The following NBPF14 variants were observed in gnomAD, a reference collection of about 807,000 sequenced individuals.
NBPF14 encodes the protein NBPF family member NBPF14.
Under a neutral mutation model 91.2 loss-of-function variants are expected in NBPF14, and 104 were observed. The ratio of observed to expected loss-of-function variants is 1.14; its 90% CI spans 0.97 to 1.34. The LOEUF is 1.34. Ranked by LOEUF, NBPF14 falls within the 40% of genes most tolerant of loss-of-function variation. The probability of loss-of-function intolerance (pLI) is 0.00; values close to 1 mark genes in which losing one functional copy is unlikely to be tolerated. For synonymous variants in NBPF14, 294 were observed against 303.8 expected, an observed-to-expected ratio of 0.97 and a Z score of 0.34; for missense variants, 908 against 783.0, an observed-to-expected ratio of 1.16 and a Z score of -1.91.
At chr1:148,535,227 C>T (rs1462680499) in intron 68 of NBPF14, among the ~76,000 whole-genome samples, 2 of 150,164 alleles carry the variant, frequency 1.3e-5, no homozygotes, top group Admixed American at 1.3e-4. Flanking sequence ...CATACAGTTG[C>T]CATACAGCCT....
chr1:148,566,546 C>A (rs1190321277), intron 28 of NBPF14, among the ~76,000 whole-genome samples: 2 of 144,066 alleles, frequency 1.4e-5, no homozygotes, highest in Admixed American at 6.9e-5. Flanking sequence ...CACACAAACA[C>A]ACACACACAC....
chr1:148,566,554 C>A (rs1325953827), intron 28 of NBPF14, among the ~76,000 whole-genome samples: 2 of 144,548 alleles, frequency 1.4e-5, no homozygotes, highest in Admixed American at 6.8e-5. Context: ...CACACACACA[C>A]ACACAGAGAA....
intron 2 of NBPF14, among the ~76,000 whole-genome samples, chr1:148,595,259 A>G (rs1663125957): frequency 6.8e-6 from 1 of 148,038 alleles, no homozygotes; most frequent in African/African-American, 2.5e-5. Flanking sequence ...TGAAAACACG[A>G]TTGAGCCCCT....
chr1:148,556,692 C>A (rs1656640211), exon 41 of NBPF14: 3 of 128,998 alleles, frequency 2.3e-5, no homozygotes, highest in South Asian at 4.7e-5. Context: ...GTACTCACCT[C>A]CCACATCAAG....
intron 69 of NBPF14, 45 bp from the exon 70 acceptor site, chr1:148,534,014 C>G (rs1458723354): frequency 1.5e-6 from 1 of 676,780 alleles, no homozygotes; most frequent in African/African-American, 1.8e-5. Flanking sequence ...GCTGATTCCC[C>G]TACACACATA....
At chr1:148,593,356 T>C (rs1407173987) in intron 3 of NBPF14, among the ~76,000 whole-genome samples, 3 of 148,846 alleles carry the variant, frequency 2.0e-5, no homozygotes, top group African/African-American at 7.3e-5. Flanking sequence ...TTTTGTGTTA[T>C]GTAAATTTCA....
chr1:148,579,824 C>T (rs1660627727), intron 12 of NBPF14, among the ~76,000 whole-genome samples: 1 of 152,132 alleles, frequency 6.6e-6, no homozygotes, highest in South Asian at 2.1e-4. Context: ...AGTGGACTTC[C>T]AGCAAACTCC....
At chr1:148,594,044 T>A (rs1172609450) in intron 2 of NBPF14, among the ~76,000 whole-genome samples, 1 of 148,326 alleles carries the variant, frequency 6.7e-6, no homozygotes, top group Non-Finnish European at 1.5e-5. Flanking sequence ...AACACTGCAC[T>A]GGGGCATGAA....
At chr1:148,539,256 T>A (rs61802098) in intron 63 of NBPF14, among the ~76,000 whole-genome samples, 154 bp downstream of exon 63, 1 of 115,358 alleles carries the variant, frequency 8.7e-6, no homozygotes, top group East Asian at 2.7e-4. Flanking sequence ...GGCTTCCAAC[T>A]GAGACTACAG....
intron 68 of NBPF14, among the ~76,000 whole-genome samples, 163 bp from the exon 69 acceptor site, chr1:148,535,019 C>T (rs1654813390): frequency 6.8e-6 from 1 of 146,524 alleles, no homozygotes; most frequent in Non-Finnish European, 1.5e-5. Context: ...AGACCAGGGC[C>T]AGGTAGAAAA....
At chr1:148,572,303 C>A (rs1659214085) in intron 21 of NBPF14, 140 bp downstream of exon 21, 7 of 209,308 alleles carry the variant, frequency 3.3e-5, no homozygotes, top group Non-Finnish European at 5.0e-5. Flanking sequence ...ACTACAGTTT[C>A]ATTACAACCT....
In NBPF14 at chr1:148,587,342, C is replaced by T; in HGVS notation, c.1050G>A (p.Glu350=). The stretch of plus-strand genomic sequence containing the variant: ...GCTTCAGCTGCTCCGCAAGCTTCTC[C>T]TCCTTGAACTGTCGCTCATTCCTCA... The change falls in exon 8 of 71, where the codon GAG becomes GAA. Residue 350 remains glutamate (E), a synonymous_variant. Transcript: ENST00000619423. 3.2e-6 allele frequency: 5 copies of T among 1,582,728 alleles called. 1 individual carries two copies. The highest frequency in any genetic ancestry group is 2.2e-5 in the South Asian group (2 of 89,198).
chr1:148,534,560 C>T (rs1475964045), intron 69 of NBPF14, 124 bp downstream of exon 69: 34 of 739,220 alleles, frequency 4.6e-5, no homozygotes, highest in South Asian at 2.3e-4. Context: ...AACCTATATG[C>T]GCCCATAGGT....
In NBPF14 at chr1:148,575,745, A is replaced by G. The variant is rs1659580574; in HGVS notation, c.2145T>C (p.Tyr715=). 108 of 268,710 alleles carry G rather than the reference A, an allele frequency of 4.0e-4. 1 individual carries two copies. The highest frequency in any genetic ancestry group is 2.5e-3 in the South Asian group (104 of 42,270). 16.6% of individuals were successfully genotyped at this position (268,710 alleles called of 1,614,324 possible). ...GTTCAAGATAACCTGAAGGAGTCGA[A>G]TAACATCTATCCAGTGAGTCCTGCA... Residue 715 remains tyrosine (Y), a synonymous_variant, in exon 17 of 71, where the codon TAT becomes TAC. Coordinates refer to ENST00000619423, the Ensembl canonical transcript of NBPF14.
chr1:148,581,549 C>A (rs1208386930), intron 12 of NBPF14, among the ~76,000 whole-genome samples: 1 of 151,778 alleles, frequency 6.6e-6, no homozygotes. Context: ...AATTTTCAAC[C>A]AAGAATTTCA....
At chr1:148,566,606 T>C (rs1255453881) in intron 28 of NBPF14, among the ~76,000 whole-genome samples, 3 of 133,940 alleles carry the variant, frequency 2.2e-5, no homozygotes, top group Non-Finnish European at 4.9e-5. Flanking sequence ...GATGAGGGAG[T>C]AACAGGACAC....
Position 148,588,544 on chromosome 1 carries a change from G to A in NBPF14, c.988+640C>T, listed in dbSNP as rs1661943408. On this transcript the variant is annotated intron_variant, in intron 7 of 70. Coordinates refer to ENST00000619423, the Ensembl canonical transcript of NBPF14. ...AGTGGAGATGGGGTTTCTCCATGTT[G>A]CCCAGGCTGGTCTCAAACTCCTGAC... Among the ~76,000 whole-genome samples, 15 of 151,934 alleles carry A rather than the reference G, an allele frequency of 9.9e-5. No individual in the cohort carries two copies. In the South Asian group the frequency reaches 3.2e-3, roughly 32 times the overall value.
chr1:148,560,013 C>T lies in NBPF14; in HGVS notation c.4557-48G>A. On this transcript the variant is annotated intron_variant, in intron 36 of 70. Transcript: ENST00000619423. ...AGAATAAGCCAGGGGGAATCAGAAA[C>T]CACACAGCCCCAGCTAGATTTCATG... The T allele has an allele frequency of 4.0e-6, 3 of 754,574 alleles. No homozygotes were observed. In the South Asian group the frequency reaches 4.3e-5, roughly 11 times the overall value. The allele number at this position is 754,574 out of a possible 1,614,324, so 46.7% of individuals were successfully genotyped here.
rs1239263276 is a variant in NBPF14 at position 148,533,760 on chromosome 1, C to A, written c.8723+101G>T. The A allele has an allele frequency of 8.3e-5, 63 of 761,258 alleles. 1 individual carries two copies. The highest frequency in any genetic ancestry group is 1.6e-4 in the South Asian group (12 of 74,124). The allele number at this position is 761,258 out of a possible 1,614,324, so 47.2% of individuals were successfully genotyped here. A position where few individuals can be genotyped will look rare whatever the true frequency, so the allele number is the denominator to read the frequency against. On this transcript the variant is annotated intron_variant, in intron 70 of 70. Coordinates refer to ENST00000619423, the Ensembl canonical transcript of NBPF14. The stretch of plus-strand genomic sequence containing the variant: ...AGCAATGACAGTAGGAGTAATTCAG[C>A]CTTTGTTGAAAATATGACATCAAAC...
Sources: allele counts gnomAD v4.1 joint callset (sites outside exome capture counted in the v4.1 genomes callset), GRCh38; gene constraint gnomAD v4.1.1; transcripts MANE v1.5; gene names NCBI Gene and HGNC (gene_info 2026-07-23, HGNC 2026-07-21).